The following KCNIP4 variants were observed in gnomAD, a reference collection of about 807,000 sequenced individuals.
The protein encoded by KCNIP4 is potassium voltage-gated channel interacting protein 4.
Under a neutral mutation model 34.0 loss-of-function variants are expected in KCNIP4, and 12 were observed. The observed-to-expected ratio is 0.35, with a 90% CI of 0.23 to 0.57. The LOEUF is 0.57. Among genes scored for constraint, KCNIP4 ranks in the 20% least tolerant of loss-of-function variants. The probability of loss-of-function intolerance (pLI) is 0.83; values close to 1 mark genes in which losing one functional copy is unlikely to be tolerated. For missense variants in KCNIP4, 238 were observed against 311.7 expected (o/e 0.76, Z 1.78); for synonymous variants, 124 against 102.2 (o/e 1.21, Z -1.29).
intron 1 of KCNIP4, among the ~76,000 whole-genome samples, chr4:21,938,786 A>T (rs1361475445): frequency 2.0e-5 from 3 of 152,124 alleles, no homozygotes; most frequent in Admixed American, 6.6e-5. Flanking sequence ...TAATTAATAC[A>T]CAATTTGGGT....
intron 1 of KCNIP4, among the ~76,000 whole-genome samples, chr4:21,855,413 C>A (rs1246045427): frequency 6.6e-6 from 1 of 152,110 alleles, no homozygotes; most frequent in Non-Finnish European, 1.5e-5. Context: ...ACCTTTCAAG[C>A]AAATGTAGCA....
At chr4:21,304,077 G>GAC (rs1712117879) in intron 1 of KCNIP4, 2 of 306,752 alleles carry the variant, frequency 6.5e-6, no homozygotes, top group African/African-American at 3.4e-5. Flanking sequence ...GACAGAGAGA[G>GAC]AGAGAGAGAC....
At chr4:21,873,404 T>C (rs370513630) in intron 1 of KCNIP4, among the ~76,000 whole-genome samples, 142 of 152,286 alleles carry the variant, frequency 9.3e-4, no homozygotes, top group African/African-American at 3.3e-3. Flanking sequence ...GAGCCCTAGA[T>C]AGACCTGAAA....
At chr4:20,780,750 T>TG (rs747406150) in intron 3 of KCNIP4, among the ~76,000 whole-genome samples, 3 of 152,060 alleles carry the variant, frequency 2.0e-5, no homozygotes, top group Non-Finnish European at 2.9e-5. Context: ...GGAGAAAAGG[T>TG]GAGTAAAAGA....
chr4:20,888,623 C>A (rs927600334), intron 1 of KCNIP4, among the ~76,000 whole-genome samples: 1 of 152,084 alleles, frequency 6.6e-6, no homozygotes, highest in Non-Finnish European at 1.5e-5. Flanking sequence ...AGACTAAACA[C>A]TCTTTGTTTT....
intron 1 of KCNIP4, among the ~76,000 whole-genome samples, chr4:21,746,680 CA>C (rs200443248): frequency 7.6e-4 from 113 of 147,862 alleles, no homozygotes; most frequent in African/African-American, 2.1e-3. Flanking sequence ...TTCATAATAC[CA>C]AAAAAAAAAT....
At chr4:20,871,402 G>A (rs926316352) in intron 2 of KCNIP4, among the ~76,000 whole-genome samples, 7 of 151,706 alleles carry the variant, frequency 4.6e-5, no homozygotes, top group African/African-American at 1.7e-4. Flanking sequence ...TCACTAAGGC[G>A]GTATACATTG....
chr4:20,891,827 T>A (rs1725945861), intron 1 of KCNIP4, among the ~76,000 whole-genome samples: 1 of 152,156 alleles, frequency 6.6e-6, no homozygotes, highest in African/African-American at 2.4e-5. Context: ...AAACTGCAAT[T>A]ACTTTTGCCC....
At chr4:21,828,465 C>A (rs573176510) in intron 1 of KCNIP4, among the ~76,000 whole-genome samples, 2 of 151,888 alleles carry the variant, frequency 1.3e-5, no homozygotes, top group South Asian at 4.2e-4. Flanking sequence ...ACAAGACTTT[C>A]CAAAACTGTT....
chr4:21,532,825 A>G lies in KCNIP4; in HGVS notation c.61+415746T>C, dbSNP rs566493741. ...TTATATGGATCTCTGGAGGGGATGCATTCTACTTAACCTTGGCGTTTGTTT... is the reference window on the plus strand; with the variant it reads ...TTATATGGATCTCTGGAGGGGATGCGTTCTACTTAACCTTGGCGTTTGTTT... On this transcript the variant is annotated intron_variant, in intron 1 of 8. Coordinates refer to ENST00000382152, the MANE Select transcript of KCNIP4 (RefSeq NM_025221.6). 5.0e-4 allele frequency among the ~76,000 whole-genome samples: 76 copies of G among 152,184 alleles called. 1 individual carries two copies. The highest frequency in any genetic ancestry group is 1.7e-3 in the African/African-American group (71 of 41,508).
intron 1 of KCNIP4, among the ~76,000 whole-genome samples, chr4:20,901,016 A>AG (rs112424518): frequency 0.049 from 7,503 of 152,286 alleles, 210 homozygotes; most frequent in Middle Eastern, 0.11. Flanking sequence ...GAGCAGGACA[A>AG]TTTGTCTGAT....
At chr4:21,775,511 C>T (rs889579527) in intron 1 of KCNIP4, among the ~76,000 whole-genome samples, 4 of 152,144 alleles carry the variant, frequency 2.6e-5, no homozygotes, top group South Asian at 2.1e-4. Flanking sequence ...TGCTTTTCTT[C>T]GGGGGAAACC....
chr4:21,000,119 C>A (rs1017935662), intron 1 of KCNIP4, among the ~76,000 whole-genome samples: 2 of 152,126 alleles, frequency 1.3e-5, no homozygotes, highest in Non-Finnish European at 2.9e-5. Context: ...TCCAGGTAGG[C>A]ATATACCATC....
intron 5 of KCNIP4, among the ~76,000 whole-genome samples, chr4:20,745,924 C>T (rs914612562): frequency 1.1e-4 from 16 of 152,074 alleles, no homozygotes; most frequent in Non-Finnish European, 2.2e-4. Flanking sequence ...TAGAAAAATT[C>T]CCCCAACTAG....
At chr4:21,522,418 C>A (rs930148218) in intron 1 of KCNIP4, among the ~76,000 whole-genome samples, 1 of 151,920 alleles carries the variant, frequency 6.6e-6, no homozygotes, top group Non-Finnish European at 1.5e-5. Context: ...GCCCTGTCAC[C>A]CAGGCTGGTG....
intron 1 of KCNIP4, among the ~76,000 whole-genome samples, chr4:21,426,361 A>G (rs1450276202): frequency 6.6e-6 from 1 of 152,238 alleles, no homozygotes; most frequent in Non-Finnish European, 1.5e-5. Flanking sequence ...TGTAATGAAA[A>G]TAATTGAATC....
chr4:21,697,345 A>G lies in KCNIP4; in HGVS notation c.61+251226T>C, dbSNP rs768755053. The stretch of plus-strand genomic sequence containing the variant: ...AAAAAAAAAAAAAAAAAAAAAAGTC[A>G]TTACCTGTATGAAGAGAACCTGTTA... On this transcript the variant is annotated intron_variant, in intron 1 of 8. Transcript: ENST00000382152. 3 of 1,469,402 alleles carry G rather than the reference A, an allele frequency of 2.0e-6. No individual in the cohort carries two copies. The Admixed American group carries it at 8.1e-5, about 39-fold the overall frequency. 91.0% of individuals were successfully genotyped at this position (1,469,402 alleles called of 1,614,324 possible). A position where few individuals can be genotyped will look rare whatever the true frequency, so the allele number is the denominator to read the frequency against.
chr4:21,123,218 T>A (rs978053005), intron 1 of KCNIP4, among the ~76,000 whole-genome samples: 2 of 139,094 alleles, frequency 1.4e-5, no homozygotes, highest in African/African-American at 5.4e-5. Context: ...AAAAAAAAAA[T>A]TACTGTTGAC....
intron 1 of KCNIP4, among the ~76,000 whole-genome samples, chr4:20,949,166 G>C (rs1467305719): frequency 6.6e-6 from 1 of 152,202 alleles, no homozygotes; most frequent in Non-Finnish European, 1.5e-5. Flanking sequence ...TCGCATGAGA[G>C]GGAGAGGCTG....
Sources: allele counts gnomAD v4.1 joint callset (sites outside exome capture counted in the v4.1 genomes callset), GRCh38; gene constraint gnomAD v4.1.1; transcripts MANE v1.5; gene names NCBI Gene and HGNC (gene_info 2026-07-23, HGNC 2026-07-21).